The following NRG3 variants were observed in gnomAD, a reference collection of about 807,000 sequenced individuals.
NRG3 encodes the protein neuregulin 3.
NRG3 carries 31 observed loss-of-function variants against 66.9 expected under a neutral mutation model. The observed-to-expected ratio is 0.46, with a 90% CI of 0.35 to 0.63. NRG3 has a LOEUF of 0.63. NRG3 is among the 20% of genes least tolerant of loss of function. The probability of loss-of-function intolerance (pLI) is 0.00; values close to 1 mark genes in which losing one functional copy is unlikely to be tolerated. For missense variants in NRG3, 910 were observed against 878.9 expected (o/e 1.04, Z -0.45); for synonymous variants, 393 against 359.4 (o/e 1.09, Z -1.06).
intron 2 of NRG3, among the ~76,000 whole-genome samples, chr10:82,684,676 A>G (rs2054369921): frequency 6.6e-6 from 1 of 152,200 alleles, no homozygotes; most frequent in African/African-American, 2.4e-5. Flanking sequence ...ACAGCCTTTA[A>G]GTAATTAATG....
chr10:82,641,502 A>T (rs1040726079), intron 2 of NRG3, among the ~76,000 whole-genome samples: 1 of 152,168 alleles, frequency 6.6e-6, no homozygotes, highest in Admixed American at 6.6e-5. Context: ...GGTTTCTTAG[A>T]CAAATGGCTA....
At chr10:82,663,739 A>G (rs192418303) in intron 2 of NRG3, among the ~76,000 whole-genome samples, 25 of 152,374 alleles carry the variant, frequency 1.6e-4, no homozygotes, top group African/African-American at 5.3e-4. Flanking sequence ...CACAAACACT[A>G]GAAATATCAG....
At chr10:82,131,005 T>C (rs947005753) in intron 1 of NRG3, among the ~76,000 whole-genome samples, 1 of 152,218 alleles carries the variant, frequency 6.6e-6, no homozygotes, top group African/African-American at 2.4e-5. Flanking sequence ...CAATTCACTT[T>C]GTTGATTGTT....
chr10:82,681,373 A>C (rs1591147826), intron 2 of NRG3, among the ~76,000 whole-genome samples: 1 of 152,236 alleles, frequency 6.6e-6, no homozygotes, highest in Admixed American at 6.5e-5. Flanking sequence ...ATTAATGTGA[A>C]ATACCTAATA....
chr10:82,963,373 A>G (rs1466604485), intron 6 of NRG3, among the ~76,000 whole-genome samples: 1 of 152,198 alleles, frequency 6.6e-6, no homozygotes. Context: ...GGCAGTTCCC[A>G]AATTGTTTAT....
intron 1 of NRG3, among the ~76,000 whole-genome samples, chr10:82,233,222 G>T (rs951191155): frequency 6.6e-6 from 1 of 152,126 alleles, no homozygotes; most frequent in Non-Finnish European, 1.5e-5. Context: ...AAAATTAGCC[G>T]GGCATGGTGG....
intron 2 of NRG3, among the ~76,000 whole-genome samples, chr10:82,439,827 T>G (rs1211063671): frequency 6.6e-6 from 1 of 152,094 alleles, no homozygotes; most frequent in African/African-American, 2.4e-5. Flanking sequence ...CAATTTTATA[T>G]CCATGTATAA....
chr10:81,884,879 A>G (rs1194828415), intron 1 of NRG3, among the ~76,000 whole-genome samples: 1 of 151,574 alleles, frequency 6.6e-6, no homozygotes, highest in Non-Finnish European at 1.5e-5. Context: ...TACTAAACAT[A>G]TCCATCACCT....
In NRG3 at chr10:82,577,473, G is replaced by A. The variant is rs185051950; in HGVS notation, c.954-161104G>A. On this transcript the variant is annotated intron_variant, in intron 2 of 8. Coordinates refer to ENST00000372141, the MANE Select transcript of NRG3 (RefSeq NM_001010848.4). Reference sequence around the variant, plus strand: ...ACACAGTCATATATATCTAGCAGGAGAATTTAGACAAATTCTATACAATTA... The same window carrying A: ...ACACAGTCATATATATCTAGCAGGAAAATTTAGACAAATTCTATACAATTA... 3.8e-4 allele frequency among the ~76,000 whole-genome samples: 57 copies of A among 151,878 alleles called. 1 individual carries two copies. Among genetic ancestry groups the A allele is most frequent in the Admixed American group, 3.7e-3 (56 of 15,200 alleles).
At position 82,543,616 on chromosome 10, in the gene NRG3, C is replaced by T. The variant is rs185222308; in HGVS notation, c.953+184748C>T. ...GTTAGAAAAGATAAAACTCAGGTTC[C>T]ACTGTTCGTCCAGGGACTGTGATGA... On this transcript the variant is annotated intron_variant, in intron 2 of 8. Coordinates refer to ENST00000372141, the MANE Select transcript of NRG3 (RefSeq NM_001010848.4). 8.1e-4 allele frequency among the ~76,000 whole-genome samples: 123 copies of T among 152,192 alleles called. 1 individual carries two copies. The highest frequency in any genetic ancestry group is 2.8e-3 in the African/African-American group (116 of 41,526).
chr10:82,072,361 G>A (rs2064856512), intron 1 of NRG3, among the ~76,000 whole-genome samples: 5 of 152,192 alleles, frequency 3.3e-5, no homozygotes, highest in Admixed American at 3.3e-4. Context: ...TAACGGGAGA[G>A]ACCATAGCTA....
Position 82,843,195 on chromosome 10 carries a change from A to G in NRG3, c.1028-22216A>G, listed in dbSNP as rs371857376. On this transcript the variant is annotated intron_variant, in intron 3 of 8. Transcript: ENST00000372141. ...GATTTGAATGTTTGTCCCCTCCACA[A>G]CTCATGTGGAAATTTGTCATTATAA... The G allele has an allele frequency of 1.3e-4, 58 of 445,358 alleles. No individual in the cohort carries two copies. In the East Asian group the frequency reaches 2.0e-3, roughly 15 times the overall value. 27.6% of individuals were successfully genotyped at this position (445,358 alleles called of 1,614,324 possible).
intron 1 of NRG3, among the ~76,000 whole-genome samples, chr10:82,206,822 C>T (rs761466491): frequency 1.3e-5 from 2 of 152,136 alleles, no homozygotes; most frequent in East Asian, 1.9e-4. Context: ...AGAAATAACA[C>T]GTTTTAAAAA....
At chr10:81,898,971 T>G (rs1247151895) in intron 1 of NRG3, among the ~76,000 whole-genome samples, 1 of 152,188 alleles carries the variant, frequency 6.6e-6, no homozygotes, top group African/African-American at 2.4e-5. Context: ...TCAACTTTAA[T>G]TTTCTTAAAT....
chr10:82,280,718 C>T (rs977257155), intron 1 of NRG3, among the ~76,000 whole-genome samples: 11 of 152,190 alleles, frequency 7.2e-5, no homozygotes, highest in African/African-American at 2.7e-4. Flanking sequence ...TCTACTCACT[C>T]ATCCTGCATA....
chr10:82,442,784 A>ATGTTTTTTTT (rs2090499826), intron 2 of NRG3, among the ~76,000 whole-genome samples: 1 of 54,254 alleles, frequency 1.8e-5, no homozygotes, highest in Non-Finnish European at 3.2e-5. Flanking sequence ...TTCTGTGTGG[A>ATGTTTTTTTT]TTTTTTTTTT....
intron 2 of NRG3, among the ~76,000 whole-genome samples, chr10:82,649,955 GA>G (rs2051280966): frequency 6.6e-6 from 1 of 152,080 alleles, no homozygotes; most frequent in African/African-American, 2.4e-5. Flanking sequence ...CATTGGCAGT[GA>G]AAGACTATCT....
At chr10:82,333,203 A>G (rs1159934237) in intron 1 of NRG3, among the ~76,000 whole-genome samples, 1 of 152,196 alleles carries the variant, frequency 6.6e-6, no homozygotes. Flanking sequence ...AAGATGAGCA[A>G]GTTATGGCCC....
chr10:82,477,662 G>A (rs1841902167), intron 2 of NRG3, among the ~76,000 whole-genome samples: 1 of 152,202 alleles, frequency 6.6e-6, no homozygotes, highest in Non-Finnish European at 1.5e-5. Flanking sequence ...GCAGGCAAGA[G>A]ATGAGAACAG....
Sources: gnomAD v4.1 joint callset for allele counts (sites outside exome capture counted in the v4.1 genomes callset) on GRCh38, gnomAD v4.1.1 for gene constraint, MANE v1.5 for transcripts, NCBI Gene and HGNC (gene_info 2026-07-23, HGNC 2026-07-21) for gene names.